Variants in WWOX observed in about 807,000 individuals in gnomAD.
The protein encoded by WWOX is WW domain containing oxidoreductase, also known as WW domain-containing oxidoreductase.
WWOX carries 69 observed loss-of-function variants against 46.2 expected under a neutral mutation model. The observed-to-expected ratio is 1.49, with a 90% CI of 1.23 to 1.82. The LOEUF (loss-of-function observed/expected upper bound fraction) is 1.82, where lower values mean the gene tolerates loss of function less well. Among genes scored for constraint, WWOX ranks in the 40% most tolerant of loss-of-function variants. The pLI is 0.00. For missense variants in WWOX, 919 were observed against 542.6 expected (o/e 1.69, Z -6.89); for synonymous variants, 359 against 202.6 (o/e 1.77, Z -6.56).
rs1202005652 is a variant in WWOX at position 78,772,231 on chromosome 16, C to G, written c.1056+339479C>G. Among the ~76,000 whole-genome samples, 6 of 152,164 alleles carry G rather than the reference C, an allele frequency of 3.9e-5. No homozygotes were observed. In the South Asian group the frequency reaches 6.2e-4, roughly 16 times the overall value. On this transcript the variant is annotated intron_variant, in intron 8 of 8. Coordinates refer to ENST00000566780, the MANE Select transcript of WWOX (RefSeq NM_016373.4). ...CAGGCAGGCCCCAGTGTCTGTTGTTCTTTCTTTGTGTCCTTGAGTTTTCAT... is the reference window on the plus strand; with the variant it reads ...CAGGCAGGCCCCAGTGTCTGTTGTTGTTTCTTTGTGTCCTTGAGTTTTCAT...
intron 4 of WWOX, among the ~76,000 whole-genome samples, chr16:78,151,456 A>C (rs1359656884): frequency 6.6e-6 from 1 of 152,092 alleles, no homozygotes; most frequent in African/African-American, 2.4e-5. Flanking sequence ...TCTGTAGAGA[A>C]TACCTTAGAA....
rs1364550842 is a variant in WWOX, at chr16:78,343,777, C to G, written c.517-43083C>G. Among the ~76,000 whole-genome samples the G allele has an allele frequency of 1.7e-5, 2 of 120,780 alleles. 1 individual carries two copies. Among genetic ancestry groups the G allele is most frequent in the African/African-American group, 5.6e-5 (2 of 35,704 alleles). The allele number at this position is 120,780 out of a possible 152,430, so 79.2% of individuals were successfully genotyped here. On this transcript the variant is annotated intron_variant, in intron 5 of 8. Coordinates refer to ENST00000566780, the MANE Select transcript of WWOX (RefSeq NM_016373.4). Reference sequence around the variant, plus strand: ...CCTAAACTGGTGGACATACCAAGGACTAAAGGAGTGACTTGCTCTCAGTTC... The same window carrying G: ...CCTAAACTGGTGGACATACCAAGGAGTAAAGGAGTGACTTGCTCTCAGTTC...
chr16:78,977,162 A>G (rs559706836), intron 8 of WWOX, among the ~76,000 whole-genome samples: 32 of 152,324 alleles, frequency 2.1e-4, no homozygotes, highest in African/African-American at 7.7e-4. Context: ...TACCCTATAT[A>G]TCATTCACTC....
At chr16:78,516,408 A>G (rs1273126655) in intron 8 of WWOX, among the ~76,000 whole-genome samples, 1 of 152,192 alleles carries the variant, frequency 6.6e-6, no homozygotes, top group East Asian at 1.9e-4. Context: ...ATTCCATACT[A>G]CAGATATTCT....
intron 5 of WWOX, among the ~76,000 whole-genome samples, chr16:78,251,252 C>T (rs1014066730): frequency 4.6e-5 from 7 of 152,108 alleles, no homozygotes; most frequent in African/African-American, 7.2e-5. Context: ...GTTCAAAGGT[C>T]GTATTTCATG....
intron 8 of WWOX, among the ~76,000 whole-genome samples, chr16:78,702,031 A>G (rs1422944650): frequency 8.1e-6 from 1 of 122,756 alleles, no homozygotes; most frequent in African/African-American, 4.1e-5. Context: ...ATATATATAT[A>G]TATATATATA....
intron 4 of WWOX, among the ~76,000 whole-genome samples, chr16:78,149,609 C>T (rs984540983): frequency 1.3e-5 from 2 of 152,178 alleles, no homozygotes; most frequent in Non-Finnish European, 2.9e-5. Flanking sequence ...GTTGATGAAA[C>T]AGGTGGTATT....
At chr16:78,607,930 C>G (rs1165061116) in intron 8 of WWOX, among the ~76,000 whole-genome samples, 1 of 151,966 alleles carries the variant, frequency 6.6e-6, no homozygotes, top group African/African-American at 2.4e-5. Context: ...ATATTGCTGG[C>G]TCTGAATTAT....
intron 8 of WWOX, among the ~76,000 whole-genome samples, chr16:79,175,135 G>A (rs2050775341): frequency 6.6e-6 from 1 of 152,144 alleles, no homozygotes; most frequent in Admixed American, 6.5e-5. Flanking sequence ...GTCTAGCTAT[G>A]ACCCCATAAA....
At chr16:78,413,008 T>A (rs749665104) in intron 6 of WWOX, among the ~76,000 whole-genome samples, 2 of 152,206 alleles carry the variant, frequency 1.3e-5, no homozygotes, top group Non-Finnish European at 2.9e-5. Context: ...AAGATCTGAT[T>A]GAGCTGACGC....
At chr16:78,393,829 A>G (rs1202203693) in intron 6 of WWOX, among the ~76,000 whole-genome samples, 2 of 151,942 alleles carry the variant, frequency 1.3e-5, no homozygotes, top group Non-Finnish European at 2.9e-5. Context: ...AAGATAATAT[A>G]GAACAGTGGT....
At chr16:79,142,634 G>A (rs988443038) in intron 8 of WWOX, among the ~76,000 whole-genome samples, 1 of 152,180 alleles carries the variant, frequency 6.6e-6, no homozygotes, top group African/African-American at 2.4e-5. Context: ...CTTCGAGTCA[G>A]TATATCTCAA....
chr16:78,395,431 A>T (rs2082263048), intron 6 of WWOX, among the ~76,000 whole-genome samples: 1 of 152,144 alleles, frequency 6.6e-6, no homozygotes, highest in Admixed American at 6.5e-5. Context: ...ACGAGTAAGG[A>T]TCACTTGAGC....
At chr16:78,736,087 T>C (rs1206339764) in intron 8 of WWOX, among the ~76,000 whole-genome samples, 1 of 152,136 alleles carries the variant, frequency 6.6e-6, no homozygotes, top group African/African-American at 2.4e-5. Context: ...ATCAAGGGAA[T>C]GTTCTTGGGA....
intron 8 of WWOX, among the ~76,000 whole-genome samples, chr16:78,998,866 C>A (rs1330072450): frequency 6.6e-6 from 1 of 152,210 alleles, no homozygotes; most frequent in African/African-American, 2.4e-5. Flanking sequence ...TCTCAAAGTT[C>A]CCTTATGCCT....
At chr16:79,087,613 T>C (rs779582100) in intron 8 of WWOX, among the ~76,000 whole-genome samples, 3 of 152,200 alleles carry the variant, frequency 2.0e-5, no homozygotes, top group Non-Finnish European at 4.4e-5. Context: ...GACTTCATAT[T>C]GGAGGCAGAG....
chr16:78,745,997 A>T (rs2049339311), intron 8 of WWOX, among the ~76,000 whole-genome samples: 1 of 152,154 alleles, frequency 6.6e-6, no homozygotes, highest in Non-Finnish European at 1.5e-5. Flanking sequence ...TCAGAAGGCT[A>T]CTGGGAAGGG....
chr16:79,140,497 T>C (rs779931773), intron 8 of WWOX, among the ~76,000 whole-genome samples: 1 of 152,190 alleles, frequency 6.6e-6, no homozygotes, highest in Non-Finnish European at 1.5e-5. Flanking sequence ...GTTCAGTAGA[T>C]TCCTTGTCTC....
chr16:79,162,698 C>T (rs1438588264), intron 8 of WWOX, among the ~76,000 whole-genome samples: 2 of 152,104 alleles, frequency 1.3e-5, no homozygotes, highest in African/African-American at 2.4e-5. Context: ...CTGTGTTCAC[C>T]GCCTTCCTGA....
Sources: gnomAD v4.1 joint callset for allele counts (sites outside exome capture counted in the v4.1 genomes callset) on GRCh38, gnomAD v4.1.1 for gene constraint, MANE v1.5 for transcripts, NCBI Gene and HGNC (gene_info 2026-07-23, HGNC 2026-07-21) for gene names.